The following DLG5 variants were observed in gnomAD, a reference collection of about 807,000 sequenced individuals.
DLG5 encodes the protein disks large homolog 5.
Under a neutral mutation model 189.8 loss-of-function variants are expected in DLG5, and 48 were observed. The observed-to-expected ratio is 0.25, with a 90% CI of 0.20 to 0.32. The LOEUF (loss-of-function observed/expected upper bound fraction) is 0.32, where lower values mean the gene tolerates loss of function less well. Ranked by LOEUF, DLG5 falls within the 10% of genes least tolerant of loss-of-function variation. The pLI, the probability that DLG5 is intolerant of heterozygous loss-of-function variation, is 1.00. For synonymous variants in DLG5, 1,016 were observed against 1,054.1 expected (o/e 0.96, Z 0.70); for missense variants, 2,160 against 2,544.7 (o/e 0.85, Z 3.25).
chr10:77,884,607 CTG>C (rs1340891219), intron 1 of DLG5, among the ~76,000 whole-genome samples: 1 of 152,214 alleles, frequency 6.6e-6, no homozygotes, highest in East Asian at 1.9e-4. Context: ...GCAATCTAAT[CTG>C]TGTCTCTGAC....
Position 77,821,163 on chromosome 10 carries a change from C to T in DLG5, c.3321G>A (p.Gly1107=). The change falls in exon 15 of 32, where the codon GGG becomes GGA. Residue 1107 remains glycine, a synonymous_variant. Coordinates refer to ENST00000372391, the MANE Select transcript of DLG5 (RefSeq NM_004747.4). ...DLTSQKVDEL[G]QKRRRPKSAP... ...CAGATTTTGGCCGGCGACGCTTCTG[C>T]CCCAGCTCATCCACCTTCTGGGAGG... 2.5e-6 allele frequency: 4 copies of T among 1,614,168 alleles called. No homozygotes were observed. Among genetic ancestry groups the T allele is most frequent in the Non-Finnish European group, 3.4e-6 (4 of 1,180,056 alleles).
At chr10:77,798,751 A>G (rs2812422) in intron 27 of DLG5, among the ~76,000 whole-genome samples, 40,004 of 152,034 alleles carry the variant, frequency 0.26, 5,764 homozygotes, top group Admixed American at 0.4. Flanking sequence ...GCTGATGGAC[A>G]CTACGTCACC....
chr10:77,931,243 C>G (rs1402372288), upstream of DLG5, among the ~76,000 whole-genome samples: 1 of 151,932 alleles, frequency 6.6e-6, no homozygotes, highest in East Asian at 1.9e-4. Context: ...GCGTGAGCCA[C>G]TGTGCCCCGC....
intron 23 of DLG5, among the ~76,000 whole-genome samples, chr10:77,810,565 T>C (rs1841712147): frequency 6.6e-6 from 1 of 152,230 alleles, no homozygotes; most frequent in African/African-American, 2.4e-5. Flanking sequence ...TGCTGCTCCC[T>C]CGGCCTGGAC....
At chr10:77,926,776 G>C (rs1252960747), upstream of DLG5, 2 of 164,572 alleles carry the variant, frequency 1.2e-5, no homozygotes. This position sits in a 1 kb window ranked among gnomAD's most constrained non-coding sequence, Gnocchi z 5.2. Flanking sequence ...AGGAGGAGAC[G>C]GAGGAGGAGA....
At chr10:77,916,460 T>G (rs1846359129) in intron 1 of DLG5, among the ~76,000 whole-genome samples, 1 of 149,694 alleles carries the variant, frequency 6.7e-6, no homozygotes, top group Admixed American at 6.7e-5. Flanking sequence ...CCCGGCTAAA[T>G]TTTTGTATTT....
In DLG5 at chr10:77,844,189, GC is replaced by G. The variant is rs1245599217; in HGVS notation, c.865-484del. Among the ~76,000 whole-genome samples the G allele has an allele frequency of 2.0e-5, 3 of 152,266 alleles. No homozygotes were observed. In the East Asian group the frequency reaches 5.8e-4, roughly 29 times the overall value. ...GCAGGCAGAAGTTCCTACATGACCA[GC>G]CCCCAATAAGACACTTGAGCACTGA... On this transcript the variant is annotated intron_variant, in intron 5 of 31. Coordinates refer to ENST00000372391, the MANE Select transcript of DLG5 (RefSeq NM_004747.4).
chr10:77,920,974 T>C (rs1846517886), intron 1 of DLG5, among the ~76,000 whole-genome samples: 1 of 152,226 alleles, frequency 6.6e-6, no homozygotes, highest in African/African-American at 2.4e-5. Context: ...AGATAAAATC[T>C]GCCCTTCACT....
chr10:77,794,267 C>A, intron 30 of DLG5, 150 bp from the exon 31 acceptor site: 1 of 671,668 alleles, frequency 1.5e-6, no homozygotes, highest in Non-Finnish European at 2.6e-6. Flanking sequence ...ACAGCAACAG[C>A]CTGTAGGCTG....
At chr10:77,938,919 T>A in the DLG5 span, among the ~76,000 whole-genome samples, 1 of 152,238 alleles carries the variant, frequency 6.6e-6, no homozygotes, top group Admixed American at 6.5e-5. Context: ...CCCGGTGCAG[T>A]GGCTCACGCC....
At chr10:77,849,788 G>A (rs1843874475) in intron 5 of DLG5, among the ~76,000 whole-genome samples, 1 of 152,252 alleles carries the variant, frequency 6.6e-6, no homozygotes, top group Non-Finnish European at 1.5e-5. Context: ...AAGCTGAGCA[G>A]GTGCTCAAGA....
chr10:77,850,463 T>C (rs1843914261), intron 5 of DLG5, among the ~76,000 whole-genome samples: 1 of 152,192 alleles, frequency 6.6e-6, no homozygotes, highest in Non-Finnish European at 1.5e-5. Context: ...GACCTTTGGG[T>C]TGTTACCGGT....
At chr10:77,852,806 G>A (rs189762371) in intron 5 of DLG5, among the ~76,000 whole-genome samples, 4 of 152,288 alleles carry the variant, frequency 2.6e-5, no homozygotes, top group East Asian at 3.9e-4. Context: ...ATGTCAATGC[G>A]AACTCATGGC....
At chr10:77,935,873 C>T in the DLG5 span, among the ~76,000 whole-genome samples, 24 of 152,090 alleles carry the variant, frequency 1.6e-4, no homozygotes, top group South Asian at 6.2e-4. Context: ...GCCCAACATC[C>T]GAGATGCAAC....
rs762611478 is a variant in DLG5 at position 77,830,985 on chromosome 10, T to C, written c.1749-112A>G. The C allele has an allele frequency of 6.7e-5, 86 of 1,289,860 alleles. No homozygotes were observed. The Admixed American group carries it at 1.2e-3, about 18-fold the overall frequency. The allele number at this position is 1,289,860 out of a possible 1,614,324, so 79.9% of individuals were successfully genotyped here. ...ATTTGAAACAGCTAAAATGGGTTCCTTTCCCCCTTGTTTCCCAATAACTCA... is the reference window on the plus strand; with the variant it reads ...ATTTGAAACAGCTAAAATGGGTTCCCTTCCCCCTTGTTTCCCAATAACTCA... On this transcript the variant is annotated intron_variant, in intron 9 of 31. Transcript: ENST00000372391.
chr10:77,807,884 G>C lies in DLG5; in HGVS notation c.4708C>G (p.Pro1570Ala), dbSNP rs1208666543. The C allele has an allele frequency of 1.2e-6, 2 of 1,614,214 alleles. No individual in the cohort carries two copies. Among genetic ancestry groups the C allele is most frequent in the Non-Finnish European group, 1.7e-6 (2 of 1,180,032 alleles). Residue 1570 changes from proline to alanine, a missense_variant, in exon 25 of 32, where the codon CCC becomes GCC. By Grantham distance (27) the Pro-to-Ala change is conservative. Around this residue, in one of 5 missense-constraint regions of DLG5, gnomAD observed 574 missense variants for 644.2 expected, o/e 0.89. Coordinates refer to ENST00000372391, the MANE Select transcript of DLG5 (RefSeq NM_004747.4). ...VEEVYVEMLKPRDGVRLKVQY... is the reference protein window; with the variant it reads ...VEEVYVEMLKARDGVRLKVQY... Reference sequence around the variant, plus strand: ...ACCTTCAGGCGGACGCCATCCCTGGGCTTCAGCATCTCCACATAGACTTCC... The same window carrying C: ...ACCTTCAGGCGGACGCCATCCCTGGCCTTCAGCATCTCCACATAGACTTCC...
intron 3 of DLG5, among the ~76,000 whole-genome samples, chr10:77,856,174 G>A (rs1388814455): frequency 1.3e-5 from 2 of 151,572 alleles, no homozygotes; most frequent in South Asian, 2.1e-4. Flanking sequence ...GAAAGACCCT[G>A]CTGCTACAAA....
rs1603641047 is a variant in DLG5, at chr10:77,795,097, G to C, written c.5437-139C>G. 6 of 638,242 alleles carry C rather than the reference G, an allele frequency of 9.4e-6. No homozygotes were observed. In the East Asian group the frequency reaches 1.7e-4, roughly 18 times the overall value. 39.5% of individuals were successfully genotyped at this position (638,242 alleles called of 1,614,324 possible). ...AGTAAAGCCACACAGTACACCGTGG[G>C]GAAACCATACCCACGAAACTCCCAA... On this transcript the variant is annotated intron_variant, in intron 29 of 31. Transcript: ENST00000372391.
At chr10:77,802,923 A>C (rs1343039908) in intron 27 of DLG5, among the ~76,000 whole-genome samples, 1 of 152,214 alleles carries the variant, frequency 6.6e-6, no homozygotes, top group African/African-American at 2.4e-5. Flanking sequence ...ATAAAAAAAT[A>C]AAATGCGAAT....
Sources: allele counts gnomAD v4.1 joint callset (sites outside exome capture counted in the v4.1 genomes callset), GRCh38; gene constraint gnomAD v4.1.1; regional missense constraint gnomAD v4.1.1; non-coding constraint Gnocchi (gnomAD v3.1); transcripts MANE v1.5; gene names NCBI Gene and HGNC (gene_info 2026-07-23, HGNC 2026-07-21).